ANK3: variants seen among roughly 807,000 people sequenced by gnomAD.
ANK3 encodes ankyrin 3, also known as ankyrin-3.
A neutral mutation model predicts 370.9 loss-of-function variants in ANK3; 57 were observed. The ratio of observed to expected loss-of-function variants is 0.15; its 90% CI spans 0.12 to 0.19. The LOEUF (loss-of-function observed/expected upper bound fraction) is 0.19, where lower values mean the gene tolerates loss of function less well. Among genes scored for constraint, ANK3 ranks in the 10% least tolerant of loss-of-function variants. ANK3 has a pLI of 1.00. For synonymous variants in ANK3, 1,929 were observed against 1,946.3 expected (o/e 0.99, Z 0.23); for missense variants, 4,439 against 5,302.1 (o/e 0.84, Z 5.06).
chr10:60,386,235 G>T (rs899783269), intron 1 of ANK3, among the ~76,000 whole-genome samples: 1 of 152,086 alleles, frequency 6.6e-6, no homozygotes, highest in African/African-American at 2.4e-5. Flanking sequence ...AACCTAAGCG[G>T]CCCGTGAGCA....
At chr10:60,383,872 C>A (rs993844694) in intron 1 of ANK3, among the ~76,000 whole-genome samples, 6 of 152,240 alleles carry the variant, frequency 3.9e-5, no homozygotes, top group Non-Finnish European at 7.4e-5. Flanking sequence ...CATCAGGAAG[C>A]ACTGAGCTTC....
At position 60,649,701 on chromosome 10, in the gene ANK3, A is replaced by G. The variant is rs187186493; in HGVS notation, c.58-34477T>C. Reference sequence around the variant, plus strand: ...GTGCCTTAGGAGAGAGCTTTTAGCCACCTCACTACAGCTTCAGCCTGAGCA... The same window carrying G: ...GTGCCTTAGGAGAGAGCTTTTAGCCGCCTCACTACAGCTTCAGCCTGAGCA... On this transcript the variant is annotated intron_variant, in intron 1 of 43. Transcript: ENST00000373827. Among the ~76,000 whole-genome samples, 308 of 152,274 alleles carry G rather than the reference A, an allele frequency of 2.0e-3. 1 individual carries two copies. The highest frequency in any genetic ancestry group is 7.0e-3 in the African/African-American group (292 of 41,560).
chr10:60,638,782 T>C (rs368240138), intron 1 of ANK3, among the ~76,000 whole-genome samples: 12 of 152,168 alleles, frequency 7.9e-5, no homozygotes, highest in Non-Finnish European at 1.3e-4. Flanking sequence ...AAATTAGACA[T>C]CATAAGAACA....
At chr10:60,111,097 T>C (rs958617296) in intron 26 of ANK3, among the ~76,000 whole-genome samples, 1 of 152,176 alleles carries the variant, frequency 6.6e-6, no homozygotes, top group Non-Finnish European at 1.5e-5. Context: ...GAGACTCGGT[T>C]ACTAATACTA....
chr10:60,278,689 T>C, intron 4 of ANK3, 85 bp downstream of exon 4: 2 of 1,023,774 alleles, frequency 2.0e-6, no homozygotes, highest in Non-Finnish European at 1.5e-6. Flanking sequence ...TCTTAGAGGA[T>C]ATGTGAACTA....
rs114752611 is a variant in ANK3, at chr10:60,515,884, G to A, written c.96+99302C>T. On this transcript the variant is annotated intron_variant, in intron 2 of 43. Coordinates refer to the ANK3 transcript ENST00000373827. ...ACTGGTATCTTTTGGAACCAACTAT[G>A]TACCAGGCCCAGTGCTAAGTGCTGG... Among the ~76,000 whole-genome samples the A allele has an allele frequency of 6.2e-3, 943 of 152,216 alleles. 5 individuals carry two copies. The highest frequency in any genetic ancestry group is 0.017 in the Middle Eastern group (5 of 294).
At chr10:60,272,933 T>G (rs1399690593) in intron 4 of ANK3, among the ~76,000 whole-genome samples, 1 of 152,208 alleles carries the variant, frequency 6.6e-6, no homozygotes, top group Admixed American at 6.5e-5. Context: ...TATCCACACA[T>G]CTCTGGCTCT....
At chr10:60,228,380 A>G (rs1376128156) in intron 8 of ANK3, among the ~76,000 whole-genome samples, 10 of 152,036 alleles carry the variant, frequency 6.6e-5, no homozygotes, top group Admixed American at 6.5e-4. Flanking sequence ...TTAAAAATAC[A>G]AAAATTAGCT....
intron 25 of ANK3, among the ~76,000 whole-genome samples, chr10:60,125,782 C>G (rs932738053): frequency 6.6e-5 from 10 of 152,168 alleles, no homozygotes; most frequent in Admixed American, 5.9e-4. Flanking sequence ...TTCTCCCTTC[C>G]TATTACTGAG....
chr10:60,375,194 G>A (rs1027339319), intron 1 of ANK3, among the ~76,000 whole-genome samples: 2 of 152,182 alleles, frequency 1.3e-5, no homozygotes, highest in Non-Finnish European at 2.9e-5. Context: ...GAATGCTCTA[G>A]TACATTACAA....
rs1315919840 is a variant in ANK3, at chr10:60,696,306, C to T, written c.57+36957G>A. ...GTCCAGGACCAGATGGATTCACAGC[C>T]GAATTCTACCAGAGGTACAAGGAGG... On this transcript the variant is annotated intron_variant, in intron 1 of 43. Coordinates refer to the ANK3 transcript ENST00000373827. Among the ~76,000 whole-genome samples the T allele has an allele frequency of 6.3e-4, 94 of 149,204 alleles. 3 individuals are homozygous for T. The highest frequency in any genetic ancestry group is 2.3e-3 in the African/African-American group (91 of 39,956).
chr10:60,352,587 G>T (rs115436236), intron 1 of ANK3, among the ~76,000 whole-genome samples: 1,992 of 152,218 alleles, frequency 0.013, 42 homozygotes, highest in African/African-American at 0.043. Flanking sequence ...TATTATCATG[G>T]CCCCTGAGAG....
At chr10:60,368,225 G>A (rs2132769196) in intron 1 of ANK3, among the ~76,000 whole-genome samples, 1 of 148,130 alleles carries the variant, frequency 6.8e-6, no homozygotes, top group South Asian at 2.2e-4. Flanking sequence ...ATACACTAGT[G>A]CATGTACACA....
rs768162152 is a variant in ANK3, at chr10:60,027,444, G to A, written c.*2402C>T. ...ATTCTTTATGCAAAGTAGATTATCCGTGCATTTCTTCTGCATTGATAGTGA... is the reference window on the plus strand; with the variant it reads ...ATTCTTTATGCAAAGTAGATTATCCATGCATTTCTTCTGCATTGATAGTGA... On this transcript the variant is annotated 3_prime_UTR_variant, in exon 44 of 44. Transcript: ENST00000280772. 2.6e-5 allele frequency: 4 copies of A among 151,992 alleles called. No homozygotes were observed. Among genetic ancestry groups the A allele is most frequent in the Admixed American group, 6.6e-5 (1 of 15,256 alleles). 9.4% of individuals were successfully genotyped at this position (151,992 alleles called of 1,614,324 possible). A position where few individuals can be genotyped will look rare whatever the true frequency, so the allele number is the denominator to read the frequency against.
At chr10:60,327,015 C>A (rs868147275) in intron 1 of ANK3, among the ~76,000 whole-genome samples, 14 of 143,070 alleles carry the variant, frequency 9.8e-5, no homozygotes, top group African/African-American at 3.5e-4. Flanking sequence ...GACTCCGTCT[C>A]AAAAAAAAAA....
chr10:60,172,777 T>C, intron 20 of ANK3, 123 bp downstream of exon 20: 1 of 644,806 alleles, frequency 1.6e-6, no homozygotes, highest in South Asian at 2.0e-5. Context: ...CCTTCTTTCC[T>C]CATTCTACTG....
intron 7 of ANK3, among the ~76,000 whole-genome samples, chr10:60,249,364 C>A (rs921339330): frequency 2.0e-5 from 3 of 152,076 alleles, no homozygotes; most frequent in African/African-American, 7.2e-5. Context: ...TAACATTCTG[C>A]CATCAAAAAT....
rs556876140 is a variant in ANK3 at position 60,048,311 on chromosome 10, C to T, written c.13066-5552G>A. On this transcript the variant is annotated intron_variant, in intron 42 of 43. Transcript: ENST00000280772. Reference sequence around the variant, plus strand: ...AGCATCCATGAGGTAAGTCAAATTCCCAGCATTCCAGCCCCATCAAATGGT... The same window carrying T: ...AGCATCCATGAGGTAAGTCAAATTCTCAGCATTCCAGCCCCATCAAATGGT... Among the ~76,000 whole-genome samples the T allele has an allele frequency of 5.9e-5, 9 of 152,308 alleles. No individual in the cohort carries two copies. The South Asian group carries it at 1.9e-3, about 32-fold the overall frequency.
chr10:60,658,746 A>G (rs1022218904), intron 1 of ANK3, among the ~76,000 whole-genome samples: 1 of 151,856 alleles, frequency 6.6e-6, no homozygotes, highest in Non-Finnish European at 1.5e-5. Flanking sequence ...ATATGTAGCA[A>G]CTCTGGATTG....
Sources: allele counts gnomAD v4.1 joint callset (sites outside exome capture counted in the v4.1 genomes callset), GRCh38; gene constraint gnomAD v4.1.1; transcripts MANE v1.5; gene names NCBI Gene and HGNC (gene_info 2026-07-23, HGNC 2026-07-21).